The following NHLRC2 variants were observed in gnomAD, a reference collection of about 807,000 sequenced individuals.
NHLRC2 encodes the protein NHL repeat containing 2.
A neutral mutation model predicts 68.1 loss-of-function variants in NHLRC2; 33 were observed. That is an observed-to-expected ratio of 0.48 (90% CI 0.37 to 0.65). The LOEUF (loss-of-function observed/expected upper bound fraction) is 0.65. NHLRC2 is among the 30% of genes least tolerant of loss of function. The probability of loss-of-function intolerance (pLI) is 0.00; values close to 1 mark genes in which losing one functional copy is unlikely to be tolerated. For synonymous variants in NHLRC2, 311 were observed against 309.6 expected (o/e 1.00, Z -0.05); for missense variants, 761 against 853.8 (o/e 0.89, Z 1.35).
In NHLRC2 at chr10:113,911,356, C is replaced by T. The variant is rs1470833150; in HGVS notation, c.*2820C>T. ...AGAGAAAACTTTGTAGTTTAATCACCCATAAGTGTAACTTTAGCAAAATTC... is the reference window on the plus strand; with the variant it reads ...AGAGAAAACTTTGTAGTTTAATCACTCATAAGTGTAACTTTAGCAAAATTC... On this transcript the variant is annotated 3_prime_UTR_variant, in exon 11 of 11. Transcript: ENST00000369301. 6.6e-6 allele frequency: 1 copy of T among 151,852 alleles called. No individual in the cohort carries two copies. Among genetic ancestry groups the T allele is most frequent in the Non-Finnish European group, 1.5e-5 (1 of 67,918 alleles). The allele number at this position is 151,852 out of a possible 1,614,324, so 9.4% of individuals were successfully genotyped here.
At chr10:113,883,681 G>A (rs1160865266) in intron 4 of NHLRC2, among the ~76,000 whole-genome samples, 2 of 151,820 alleles carry the variant, frequency 1.3e-5, no homozygotes, top group East Asian at 3.8e-4. Context: ...AAGTGTCATG[G>A]AACTGCCTGG....
chr10:113,896,311 A>G (rs1846177172), intron 5 of NHLRC2, among the ~76,000 whole-genome samples: 2 of 152,090 alleles, frequency 1.3e-5, no homozygotes, highest in Admixed American at 1.3e-4. Flanking sequence ...TGTGGCACAT[A>G]TACACCATGG....
At position 113,913,374 on chromosome 10, in the gene NHLRC2, G is replaced by A. The variant is rs996075090; in HGVS notation, c.*4838G>A. On this transcript the variant is annotated 3_prime_UTR_variant, in exon 11 of 11. Transcript: ENST00000369301. ...TAAATCCATTTAATTATACAACTTTGCATTATATACTGTTATTCAGACCTT... is the reference window on the plus strand; with the variant it reads ...TAAATCCATTTAATTATACAACTTTACATTATATACTGTTATTCAGACCTT... 1 of 152,064 alleles carries A rather than the reference G, an allele frequency of 6.6e-6. No homozygotes were observed. Among genetic ancestry groups the A allele is most frequent in the Non-Finnish European group, 1.5e-5 (1 of 68,008 alleles). The allele number at this position is 152,064 out of a possible 1,614,324, so 9.4% of individuals were successfully genotyped here. A position where few individuals can be genotyped will look rare whatever the true frequency, so the allele number is the denominator to read the frequency against.
At chr10:113,863,718 C>T (rs934189107) in intron 2 of NHLRC2, among the ~76,000 whole-genome samples, 3 of 152,002 alleles carry the variant, frequency 2.0e-5, no homozygotes, top group Admixed American at 2.0e-4. Context: ...ATTCCTAGAC[C>T]TTTAGCTAGC....
Position 113,915,330 on chromosome 10 carries a change from CA to C in NHLRC2, c.*6799del. ...AAATGAACACTAAATAGCCTTATAC[CA>C]AAAAGCATTCTTGTAACTGTCAGGG... On this transcript the variant is annotated 3_prime_UTR_variant, in exon 11 of 11. Coordinates refer to ENST00000369301, the MANE Select transcript of NHLRC2 (RefSeq NM_198514.4). 1 of 418,684 alleles carries C rather than the reference CA, an allele frequency of 2.4e-6. No homozygotes were observed. The allele number at this position is 418,684 out of a possible 1,614,324, so 25.9% of individuals were successfully genotyped here. A position where few individuals can be genotyped will look rare whatever the true frequency, so the allele number is the denominator to read the frequency against.
chr10:113,864,117 A>G (rs1845841379), intron 2 of NHLRC2, among the ~76,000 whole-genome samples: 1 of 152,206 alleles, frequency 6.6e-6, no homozygotes, highest in Admixed American at 6.5e-5. Context: ...AAAATTCACA[A>G]TTTATGCCAC....
chr10:113,897,980 G>A (rs1846190814), intron 5 of NHLRC2, 130 bp from the exon 6 acceptor site: 2 of 486,920 alleles, frequency 4.1e-6, no homozygotes, highest in Non-Finnish European at 7.1e-6. Context: ...TTGAAACATT[G>A]CAGATATTTT....
At chr10:113,903,499 A>C in intron 8 of NHLRC2, 28 bp from the exon 9 acceptor site, 1 of 1,364,240 alleles carries the variant, frequency 7.3e-7, no homozygotes, top group Non-Finnish European at 1.0e-6. Context: ...ATCTTCAGTT[A>C]TATAAGTTTT....
rs534630587 is a variant in NHLRC2 at position 113,892,783 on chromosome 10, C to G, written c.1040-5327C>G. ...AGCCAGACCAGCTAGGTTTGCAGCT[C>G]CACATCTTAGTAGTTGTGTGACTTT... On this transcript the variant is annotated intron_variant, in intron 5 of 10. Coordinates refer to ENST00000369301, the MANE Select transcript of NHLRC2 (RefSeq NM_198514.4). Among the ~76,000 whole-genome samples, 6 of 152,168 alleles carry G rather than the reference C, an allele frequency of 3.9e-5. No homozygotes were observed. In the South Asian group the frequency reaches 1.2e-3, roughly 32 times the overall value.
In NHLRC2 at chr10:113,880,333, A is replaced by G. The variant is rs1289752744; in HGVS notation, c.909+638A>G. 5.3e-5 allele frequency among the ~76,000 whole-genome samples: 8 copies of G among 151,962 alleles called. No homozygotes were observed. The South Asian group carries it at 1.7e-3, about 32-fold the overall frequency. On this transcript the variant is annotated intron_variant, in intron 4 of 10. Coordinates refer to ENST00000369301, the MANE Select transcript of NHLRC2 (RefSeq NM_198514.4). ...AAACAAATGTAATGATGCTATGCAT[A>G]CATAATGTTTTGCAGGTTTTTCTAA...
intron 5 of NHLRC2, among the ~76,000 whole-genome samples, chr10:113,893,042 C>T (rs1846146496): frequency 6.6e-6 from 1 of 151,936 alleles, no homozygotes. Flanking sequence ...ATGATCTGAA[C>T]CAAACCAAAA....
At chr10:113,857,880 T>G (rs1279895762) in intron 1 of NHLRC2, among the ~76,000 whole-genome samples, 2 of 152,152 alleles carry the variant, frequency 1.3e-5, no homozygotes, top group Non-Finnish European at 2.9e-5. Flanking sequence ...TCTTCTCCTT[T>G]AGGAAACTGT....
intron 2 of NHLRC2, among the ~76,000 whole-genome samples, chr10:113,874,442 TTGTG>T (rs58207579): frequency 0.2 from 24,558 of 125,168 alleles, 2,218 homozygotes; most frequent in East Asian, 0.33. Context: ...AGGCATGTGT[TTGTG>T]TGTGTGTGTG....
At chr10:113,899,642 G>A (rs1846210973) in intron 6 of NHLRC2, among the ~76,000 whole-genome samples, 1 of 152,184 alleles carries the variant, frequency 6.6e-6, no homozygotes. Context: ...TTGTTCGGCT[G>A]GGTGCGGTGG....
chr10:113,856,612 T>C (rs576945361), intron 1 of NHLRC2, among the ~76,000 whole-genome samples: 2 of 152,316 alleles, frequency 1.3e-5, no homozygotes, highest in East Asian at 3.9e-4. Context: ...TTGGGGAATG[T>C]TTTTTATTTT....
At chr10:113,884,508 C>A (rs1181661901) in intron 5 of NHLRC2, 128 bp downstream of exon 5, 2 of 619,520 alleles carry the variant, frequency 3.2e-6, no homozygotes, top group Non-Finnish European at 5.2e-6. Context: ...ACCTATGCCT[C>A]AGAGTTTGTT....
intron 2 of NHLRC2, among the ~76,000 whole-genome samples, chr10:113,869,527 C>T (rs1412041820): frequency 6.6e-6 from 1 of 152,136 alleles, no homozygotes; most frequent in African/African-American, 2.4e-5. Flanking sequence ...TGCCTAGTCA[C>T]TTACCTTCTT....
Position 113,901,705 on chromosome 10 carries a change from T to G in NHLRC2, c.1179T>G (p.Ser393Arg). ...TKGTCLRFAG[S>R]GNEENRNNAY... Reference sequence around the variant, plus strand: ...GAACCTGCCTTAGGTTTGCTGGAAGTGGAAATGAAGAGAATCGAAACAATG... The same window carrying G: ...GAACCTGCCTTAGGTTTGCTGGAAGGGGAAATGAAGAGAATCGAAACAATG... Residue 393 changes from serine to arginine, a missense_variant, in exon 7 of 11, where the codon AGT becomes AGG. Coordinates refer to ENST00000369301, the MANE Select transcript of NHLRC2 (RefSeq NM_198514.4). The G allele has an allele frequency of 6.2e-7, 1 of 1,614,134 alleles. No homozygotes were observed. Among genetic ancestry groups the G allele is most frequent in the Non-Finnish European group, 8.5e-7 (1 of 1,179,966 alleles).
In NHLRC2 at chr10:113,903,581, G is replaced by A. The variant is rs959941652; in HGVS notation, c.1549G>A (p.Asp517Asn). ...KNCTTLAGTG[D>N]TNNVTSSSFT... ...CTGTACAACATTAGCAGGAACTGGAGACACAAATAATGTTACCAGTTCCAG... is the reference window on the plus strand; with the variant it reads ...CTGTACAACATTAGCAGGAACTGGAAACACAAATAATGTTACCAGTTCCAG... Residue 517 changes from aspartate (D) to asparagine (N), a missense_variant, in exon 9 of 11, where the codon GAC becomes AAC. Transcript: ENST00000369301. 6.2e-7 allele frequency: 1 copy of A among 1,612,620 alleles called. No homozygotes were observed. The highest frequency in any genetic ancestry group is 8.5e-7 in the Non-Finnish European group (1 of 1,178,976).
Sources: allele counts gnomAD v4.1 joint callset (sites outside exome capture counted in the v4.1 genomes callset), GRCh38; gene constraint gnomAD v4.1.1; transcripts MANE v1.5; gene names NCBI Gene and HGNC (gene_info 2026-07-23, HGNC 2026-07-21).